MIPEP: variants seen among roughly 807,000 people sequenced by gnomAD.
MIPEP encodes the protein mitochondrial intermediate peptidase.
Under a neutral mutation model 90.3 loss-of-function variants are expected in MIPEP, and 79 were observed. That is an observed-to-expected ratio of 0.87 (90% confidence interval 0.73 to 1.05). MIPEP has a LOEUF of 1.05. Ranked by LOEUF, MIPEP falls within the 50% of genes least tolerant of loss-of-function variation. The pLI, the probability that MIPEP is intolerant of heterozygous loss-of-function variation, is 0.00. For missense variants in MIPEP, 940 were observed against 905.6 expected (o/e 1.04, Z -0.49); for synonymous variants, 334 against 315.8 (o/e 1.06, Z -0.61).
intron 16 of MIPEP, among the ~76,000 whole-genome samples, chr13:23,804,402 G>T (rs1027305277): frequency 6.6e-6 from 1 of 152,184 alleles, no homozygotes; most frequent in African/African-American, 2.4e-5. Context: ...CCCAAAAGCA[G>T]GTGAATCAGG....
chr13:23,876,590 G>C (rs1871082396), intron 4 of MIPEP, among the ~76,000 whole-genome samples: 1 of 142,090 alleles, frequency 7.0e-6, no homozygotes, highest in South Asian at 2.1e-4. Flanking sequence ...TTCTATAAGG[G>C]GGGTTTTTGT....
intron 16 of MIPEP, among the ~76,000 whole-genome samples, chr13:23,805,051 C>A (rs1953091944): frequency 6.6e-6 from 1 of 152,100 alleles, no homozygotes; most frequent in African/African-American, 2.4e-5. Context: ...TTGTGGGAGA[C>A]CTAAATCCAA....
At chr13:23,770,893 C>T (rs767716151) in intron 16 of MIPEP, among the ~76,000 whole-genome samples, 97 of 152,348 alleles carry the variant, frequency 6.4e-4, no homozygotes, top group Middle Eastern at 3.4e-3. Context: ...CGAGGGCCTG[C>T]CCTGTGTCTT....
chr13:23,857,870 T>C (rs370875324), intron 10 of MIPEP, among the ~76,000 whole-genome samples: 1 of 152,192 alleles, frequency 6.6e-6, no homozygotes, highest in Non-Finnish European at 1.5e-5. Flanking sequence ...TTTGGAGAAG[T>C]ACCTACTATG....
At chr13:23,777,595 C>T (rs1343835224) in intron 16 of MIPEP, among the ~76,000 whole-genome samples, 1 of 152,120 alleles carries the variant, frequency 6.6e-6, no homozygotes, top group Non-Finnish European at 1.5e-5. Context: ...TACTTTGCAA[C>T]TTACGAACAT....
intron 14 of MIPEP, among the ~76,000 whole-genome samples, chr13:23,818,760 T>C (rs538642045): frequency 2.6e-5 from 4 of 152,304 alleles, no homozygotes; most frequent in South Asian, 4.1e-4. Flanking sequence ...TTAGAGTTCA[T>C]TATGTATGGA....
chr13:23,795,720 A>G (rs896369249), intron 16 of MIPEP, among the ~76,000 whole-genome samples: 4 of 152,084 alleles, frequency 2.6e-5, no homozygotes, highest in African/African-American at 9.7e-5. Context: ...TAAGATATAC[A>G]GTTAAAATTA....
In MIPEP at chr13:23,862,306, T is replaced by G. The variant is rs1566021147; in HGVS notation, c.1049A>C (p.Asn350Thr). 2 of 1,551,212 alleles carry G rather than the reference T, an allele frequency of 1.3e-6. No individual in the cohort carries two copies. The highest frequency in any genetic ancestry group is 1.8e-6 in the Non-Finnish European group (2 of 1,130,896). ...RGMKMKLNPQ[N>T]SEVMPWDPPY... ...AAAATATTCCAACATACTTACGGAA[T>G]TTTGAGGATTCAGTTTCATTTTCAT... The change falls in exon 9 of 19, where the codon AAT becomes ACT. Residue 350 changes from asparagine to threonine, a missense_variant. Asn to Thr is a moderately conservative substitution (Grantham distance 65, BLOSUM62 0). Transcript: ENST00000382172.
chr13:23,829,144 C>T (rs4770500), intron 14 of MIPEP, among the ~76,000 whole-genome samples: 150,158 of 152,342 alleles, frequency 0.99, 74,054 homozygotes, highest in East Asian at 1. Context: ...TGGATTCCCG[C>T]CTTATGCCAA....
intron 12 of MIPEP, 95 bp from the exon 13 acceptor site, chr13:23,837,851 G>T (rs1740403501): frequency 3.4e-6 from 3 of 877,238 alleles, no homozygotes; most frequent in Admixed American, 4.6e-5. Context: ...CCAAAAATGT[G>T]TGAGTGCAAA....
chr13:23,872,249 G>A (rs1870843002), intron 5 of MIPEP, among the ~76,000 whole-genome samples: 1 of 152,212 alleles, frequency 6.6e-6, no homozygotes, highest in Non-Finnish European at 1.5e-5. Flanking sequence ...ATCACCTGAG[G>A]TCGGGAGTTC....
intron 4 of MIPEP, among the ~76,000 whole-genome samples, chr13:23,878,516 G>A (rs1013902324): frequency 1.3e-5 from 2 of 152,114 alleles, no homozygotes; most frequent in African/African-American, 2.4e-5. Flanking sequence ...GTTGTCAGAG[G>A]AAGTGTCCCA....
chr13:23,816,186 G>A lies in MIPEP; in HGVS notation c.1654-6262C>T, dbSNP rs77947836. ...TCTTGAAGCTTCTTGGATCTCTGGT[G>A]TGCTTTTCATTATTTTTGGCAAATT... is the stretch of plus-strand genomic sequence containing the variant. On this transcript the variant is annotated intron_variant, in intron 14 of 18. Coordinates refer to ENST00000382172, the MANE Select transcript of MIPEP (RefSeq NM_005932.4). Among the ~76,000 whole-genome samples, 850 of 152,224 alleles carry A rather than the reference G, an allele frequency of 5.6e-3. 8 individuals carry two copies. Among genetic ancestry groups the A allele is most frequent in the African/African-American group, 0.019 (796 of 41,520 alleles).
chr13:23,810,967 T>C (rs1953164827), intron 14 of MIPEP, among the ~76,000 whole-genome samples: 2 of 152,192 alleles, frequency 1.3e-5, no homozygotes, highest in Non-Finnish European at 2.9e-5. Flanking sequence ...AAGACAATAT[T>C]TTTAAAGAGC....
At position 23,837,659 on chromosome 13, in the gene MIPEP, C is replaced by T. The variant is rs550045854; in HGVS notation, c.1436G>A (p.Arg479Lys). Residue 479 changes from arginine (R) to lysine (K), a missense_variant, in exon 13 of 19, where the codon AGG becomes AAG. Physicochemically the swap from Arg to Lys is conservative, Grantham distance 26 (BLOSUM62 2). Coordinates refer to ENST00000382172, the MANE Select transcript of MIPEP (RefSeq NM_005932.4). ...AGGAGTTAGCAAAGTTGGAGAACTCCTTGAGGAACGGGGAAGATTCAGCAT... is the reference window on the plus strand; with the variant it reads ...AGGAGTTAGCAAAGTTGGAGAACTCTTTGAGGAACGGGGAAGATTCAGCAT... ...VLMLNLPRSS[R>K]SSPTLLTPSM... 3 of 1,614,022 alleles carry T rather than the reference C, an allele frequency of 1.9e-6. No individual in the cohort carries two copies. The highest frequency in any genetic ancestry group is 2.2e-5 in the South Asian group (2 of 91,070).
rs138626385 is a variant in MIPEP at position 23,839,160 on chromosome 13, G to C, written c.1338+489C>G. On this transcript the variant is annotated intron_variant, in intron 12 of 18. Coordinates refer to ENST00000382172, the MANE Select transcript of MIPEP (RefSeq NM_005932.4). ...TTGGTGGTTGGTAAGGTTTCCACAT[G>C]GAGTATCTTCCGCAGTTTTAGAATA... 1.8e-4 allele frequency among the ~76,000 whole-genome samples: 27 copies of C among 152,312 alleles called. No individual in the cohort carries two copies. In the East Asian group the frequency reaches 5.0e-3, roughly 28 times the overall value.
intron 14 of MIPEP, among the ~76,000 whole-genome samples, chr13:23,831,076 G>C (rs1279841073): frequency 1.3e-5 from 2 of 152,092 alleles, no homozygotes; most frequent in Non-Finnish European, 1.5e-5. Context: ...CAAGCATCTG[G>C]ACTACTCAGG....
intron 10 of MIPEP, among the ~76,000 whole-genome samples, chr13:23,850,886 G>A (rs1593190470): frequency 6.6e-6 from 1 of 152,242 alleles, no homozygotes; most frequent in African/African-American, 2.4e-5. Context: ...GGGAGTTGTG[G>A]AAATGTCGTG....
At chr13:23,748,490 G>T (rs1248766374) in intron 18 of MIPEP, among the ~76,000 whole-genome samples, 2 of 152,140 alleles carry the variant, frequency 1.3e-5, no homozygotes, top group South Asian at 4.1e-4. Flanking sequence ...GCAGAGTAAG[G>T]GGGTAGAGAA....
Sources: gnomAD v4.1 joint callset for allele counts (sites outside exome capture counted in the v4.1 genomes callset) on GRCh38, gnomAD v4.1.1 for gene constraint, MANE v1.5 for transcripts, NCBI Gene and HGNC (gene_info 2026-07-23, HGNC 2026-07-21) for gene names.